MINDY4: variants seen among roughly 807,000 people sequenced by gnomAD.
MINDY4 encodes the protein probable ubiquitin carboxyl-terminal hydrolase MINDY-4.
MINDY4 carries 68 observed loss-of-function variants against 87.0 expected under a neutral mutation model. The ratio of observed to expected loss-of-function variants is 0.78; its 90% CI spans 0.64 to 0.96. The LOEUF (loss-of-function observed/expected upper bound fraction) is 0.96. Among genes scored for constraint, MINDY4 ranks in the 40% least tolerant of loss-of-function variants. The probability of loss-of-function intolerance (pLI) is 0.00; values close to 1 mark genes in which losing one functional copy is unlikely to be tolerated. For synonymous variants in MINDY4, 379 were observed against 363.2 expected, an observed-to-expected ratio of 1.04 and a Z score of -0.50; for missense variants, 919 against 928.2, an observed-to-expected ratio of 0.99 and a Z score of 0.13.
chr7:30,845,024 A>G (rs983933812), intron 9 of MINDY4, among the ~76,000 whole-genome samples: 9 of 152,194 alleles, frequency 5.9e-5, no homozygotes, highest in Non-Finnish European at 1.5e-5. Flanking sequence ...CACATCTGGC[A>G]TCCCTGGCAG....
chr7:30,798,388 T>G (rs910824175), intron 5 of MINDY4, among the ~76,000 whole-genome samples: 1 of 152,202 alleles, frequency 6.6e-6, no homozygotes, highest in African/African-American at 2.4e-5. Flanking sequence ...AAGATTTTGC[T>G]GAACAACTGT....
chr7:30,844,535 T>C (rs181486635), intron 9 of MINDY4, among the ~76,000 whole-genome samples: 28 of 152,224 alleles, frequency 1.8e-4, no homozygotes, highest in African/African-American at 6.3e-4. Flanking sequence ...TTAGGGCTTC[T>C]GTCAAGTGAA....
At chr7:30,781,761 A>G in intron 2 of MINDY4, 2 of 530,470 alleles carry the variant, frequency 3.8e-6, no homozygotes, top group East Asian at 3.1e-5. Flanking sequence ...GTTGGATGCT[A>G]GTTCTTTTAG....
intron 5 of MINDY4, among the ~76,000 whole-genome samples, chr7:30,798,528 G>T (rs1024038397): frequency 4.6e-5 from 7 of 151,842 alleles, no homozygotes; most frequent in African/African-American, 1.7e-4. Flanking sequence ...ACAGAGTCTC[G>T]CTGTGTCGCC....
chr7:30,809,904 G>A (rs934890933), intron 5 of MINDY4, among the ~76,000 whole-genome samples: 5 of 152,180 alleles, frequency 3.3e-5, no homozygotes, highest in South Asian at 2.1e-4. Flanking sequence ...TAGGCCGGGC[G>A]CAGTGGCTCA....
At chr7:30,807,218 G>A (rs1286880227) in intron 5 of MINDY4, among the ~76,000 whole-genome samples, 1 of 152,144 alleles carries the variant, frequency 6.6e-6, no homozygotes, top group Non-Finnish European at 1.5e-5. Context: ...TGGAGCAGTG[G>A]CACACTGAGT....
rs1171853684 is a variant in MINDY4, at chr7:30,857,159, A to G, written c.1678-2098A>G. On this transcript the variant is annotated intron_variant, in intron 12 of 17. Transcript: ENST00000265299. ...CCTCAGGGCTCTGCTGTGCCCCCGC[A>G]TAGTCAGCTTGCCCTCTCTTGCCTG... Among the ~76,000 whole-genome samples, 5 of 152,334 alleles carry G rather than the reference A, an allele frequency of 3.3e-5. No individual in the cohort carries two copies. The East Asian group carries it at 5.8e-4, about 18-fold the overall frequency.
intron 6 of MINDY4, among the ~76,000 whole-genome samples, chr7:30,835,009 A>T (rs1490070727): frequency 1.3e-5 from 2 of 152,200 alleles, no homozygotes; most frequent in Admixed American, 1.3e-4. Context: ...TCTTCTTCTG[A>T]GCCCTCCAAA....
intron 15 of MINDY4, among the ~76,000 whole-genome samples, chr7:30,877,501 C>T (rs1278138316): frequency 2.0e-5 from 3 of 152,028 alleles, no homozygotes; most frequent in South Asian, 2.1e-4. Flanking sequence ...TGTTTCCCTG[C>T]GGTAGGTGGA....
intron 16 of MINDY4, 84 bp from the exon 17 acceptor site, chr7:30,882,837 C>G: frequency 8.4e-7 from 1 of 1,187,808 alleles, no homozygotes. Context: ...TAGAAGGGGG[C>G]GGGTCTCGGG....
intron 5 of MINDY4, among the ~76,000 whole-genome samples, chr7:30,809,729 C>T (rs1009912363): frequency 6.6e-6 from 1 of 150,528 alleles, no homozygotes; most frequent in African/African-American, 2.4e-5. Flanking sequence ...CTTAGACAAT[C>T]TAGTCCACAG....
chr7:30,853,455 A>G lies in MINDY4; in HGVS notation c.1673A>G (p.His558Arg). Reference protein sequence around the residue: ...DLVTFLQQSIHQFEVGPYGCI... With the variant: ...DLVTFLQQSIRQFEVGPYGCI... ...GTGACTTTTCTTCAACAAAGCATTCATCAGGTATGAAGCATGCCTTACTCC... is the reference window on the plus strand; with the variant it reads ...GTGACTTTTCTTCAACAAAGCATTCGTCAGGTATGAAGCATGCCTTACTCC... Residue 558 changes from histidine to arginine, a missense_variant, in exon 12 of 18, where the codon CAT becomes CGT. Coordinates refer to ENST00000265299, the MANE Select transcript of MINDY4 (RefSeq NM_032222.3). 1 of 1,611,786 alleles carries G rather than the reference A, an allele frequency of 6.2e-7. No individual in the cohort carries two copies. The highest frequency in any genetic ancestry group is 8.5e-7 in the Non-Finnish European group (1 of 1,178,572).
rs1488817936 is a variant in MINDY4, at chr7:30,860,637, CTGGCTCTGGGAGTCTAG to C, written c.1745+1314_1745+1330del. Among the ~76,000 whole-genome samples, 717 of 152,198 alleles carry C rather than the reference CTGGCTCTGGGAGTCTAG, an allele frequency of 4.7e-3. 5 individuals carry two copies. Among genetic ancestry groups the C allele is most frequent in the African/African-American group, 0.017 (690 of 41,504 alleles). On this transcript the variant is annotated intron_variant, in intron 13 of 17. Coordinates refer to ENST00000265299, the MANE Select transcript of MINDY4 (RefSeq NM_032222.3). The stretch of plus-strand genomic sequence containing the variant: ...GCGCCCCCATCCATGCGGGGGCCCT[CTGGCTCTGGGAGTCTAG>C]GGCTCTGTGCTCGAGTGTGTCAGTT...
chr7:30,771,456 C>T lies in MINDY4; in HGVS notation c.-38C>T. 6.3e-6 allele frequency: 10 copies of T among 1,586,716 alleles called. No individual in the cohort carries two copies. The highest frequency in any genetic ancestry group is 5.1e-6 in the Non-Finnish European group (6 of 1,168,088). ...AGACCCAGTTGCCTGGTGCTGCGGC[C>T]CGGCGTGGGCCTCGTGGGCAGAGCC... On this transcript the variant is annotated 5_prime_UTR_variant, in exon 1 of 18. Coordinates refer to ENST00000265299, the MANE Select transcript of MINDY4 (RefSeq NM_032222.3).
chr7:30,845,188 A>T (rs1239221406), intron 9 of MINDY4, among the ~76,000 whole-genome samples: 2 of 151,948 alleles, frequency 1.3e-5, no homozygotes, highest in Non-Finnish European at 2.9e-5. Flanking sequence ...ACTCCTAGGG[A>T]CCAAGGGGTG....
intron 6 of MINDY4, among the ~76,000 whole-genome samples, chr7:30,830,702 A>G (rs1176434011): frequency 6.6e-6 from 1 of 152,180 alleles, no homozygotes; most frequent in African/African-American, 2.4e-5. Context: ...GGATGATGGG[A>G]ACTACCATTC....
At chr7:30,855,006 A>T (rs1391941976) in intron 12 of MINDY4, among the ~76,000 whole-genome samples, 1 of 152,242 alleles carries the variant, frequency 6.6e-6, no homozygotes. Context: ...CGGGAGCCCC[A>T]GGCTGTCTGT....
At chr7:30,879,266 G>A (rs1790384482) in intron 15 of MINDY4, among the ~76,000 whole-genome samples, 1 of 152,136 alleles carries the variant, frequency 6.6e-6, no homozygotes, top group Admixed American at 6.5e-5. Flanking sequence ...CTCCTAAGCA[G>A]AGGAGGTTAG....
chr7:30,881,788 T>C (rs1476730226), intron 15 of MINDY4, among the ~76,000 whole-genome samples: 2 of 151,532 alleles, frequency 1.3e-5, no homozygotes, highest in Non-Finnish European at 2.9e-5. Context: ...GTTTGAGGGG[T>C]GTGGGAAGAA....
Sources: gnomAD v4.1 joint callset for allele counts (sites outside exome capture counted in the v4.1 genomes callset) on GRCh38, gnomAD v4.1.1 for gene constraint, MANE v1.5 for transcripts, NCBI Gene and HGNC (gene_info 2026-07-23, HGNC 2026-07-21) for gene names.